The following ADAMTS18 variants were observed in gnomAD, a reference collection of about 807,000 sequenced individuals.
ADAMTS18 encodes ADAM metallopeptidase with thrombospondin type 1 motif 18.
A neutral mutation model predicts 165.9 loss-of-function variants in ADAMTS18; 157 were observed. That is an observed-to-expected ratio of 0.95 (90% CI 0.83 to 1.08). The LOEUF (loss-of-function observed/expected upper bound fraction) is 1.08. Ranked by LOEUF, ADAMTS18 falls within the 50% of genes least tolerant of loss-of-function variation. The pLI is 0.00. For synonymous variants in ADAMTS18, 782 were observed against 578.2 expected (o/e 1.35, Z -5.06); for missense variants, 2,040 against 1,534.0 (o/e 1.33, Z -5.51).
chr16:77,424,196 C>A (rs1046710479), intron 3 of ADAMTS18, among the ~76,000 whole-genome samples: 1 of 151,962 alleles, frequency 6.6e-6, no homozygotes, highest in East Asian at 1.9e-4. Flanking sequence ...AGGCCGGGCG[C>A]GGTGGCTCAC....
intron 11 of ADAMTS18, among the ~76,000 whole-genome samples, chr16:77,338,769 C>T (rs947661866): frequency 7.9e-5 from 12 of 151,396 alleles, no homozygotes; most frequent in African/African-American, 1.9e-4. Context: ...CTGGCTAATA[C>T]GGTGAAACCT....
chr16:77,289,517 T>TGAAACAGATTG, intron 21 of ADAMTS18, 106 bp from the exon 22 acceptor site: 2 of 1,344,020 alleles, frequency 1.5e-6, no homozygotes, highest in Non-Finnish European at 2.1e-6. Flanking sequence ...TGCCTGCTGA[T>TGAAACAGATTG]GAAACAGATT....
chr16:77,377,892 A>C (rs954791868), intron 3 of ADAMTS18, among the ~76,000 whole-genome samples: 6 of 152,242 alleles, frequency 3.9e-5, no homozygotes, highest in African/African-American at 1.4e-4. Context: ...AAGTATAATC[A>C]ATATGAAATA....
In ADAMTS18 at chr16:77,299,996, A is replaced by G. The variant is rs1363770150; in HGVS notation, c.2674+267T>C. ...TATGCTTCTATTTGTAAATAATTCA[A>G]TATATTTTATATGTTTTTCCCATAA... On this transcript the variant is annotated intron_variant, in intron 17 of 22. Coordinates refer to ENST00000282849, the MANE Select transcript of ADAMTS18 (RefSeq NM_199355.4). 3.2e-5 allele frequency: 10 copies of G among 316,828 alleles called. No individual in the cohort carries two copies. The Admixed American group carries it at 4.4e-4, about 14-fold the overall frequency. The allele number at this position is 316,828 out of a possible 1,614,324, so 19.6% of individuals were successfully genotyped here. A position where few individuals can be genotyped will look rare whatever the true frequency, so the allele number is the denominator to read the frequency against.
At chr16:77,286,440 T>C (rs1485627745) in intron 22 of ADAMTS18, among the ~76,000 whole-genome samples, 1 of 152,194 alleles carries the variant, frequency 6.6e-6, no homozygotes, top group Non-Finnish European at 1.5e-5. Context: ...CAGAACAGTT[T>C]CTGGTTCACA....
intron 3 of ADAMTS18, among the ~76,000 whole-genome samples, chr16:77,430,989 G>A (rs758642961): frequency 3.3e-5 from 5 of 152,150 alleles, no homozygotes; most frequent in Admixed American, 6.5e-5. Context: ...CTGGTCTCCC[G>A]GGACATTACA....
At chr16:77,325,512 T>C (rs1023938691) in intron 13 of ADAMTS18, among the ~76,000 whole-genome samples, 5 of 152,066 alleles carry the variant, frequency 3.3e-5, no homozygotes, top group Non-Finnish European at 7.4e-5. Flanking sequence ...GGGGTATATA[T>C]GGTTTCATGA....
chr16:77,367,720 C>T lies in ADAMTS18; in HGVS notation c.499G>A (p.Gly167Ser). 1 of 1,614,196 alleles carries T rather than the reference C, an allele frequency of 6.2e-7. No individual in the cohort carries two copies. The highest frequency in any genetic ancestry group is 8.5e-7 in the Non-Finnish European group (1 of 1,180,024). ...TCATTTTTTCGTGTCCTTATTAAAC[C>T]TGACTAAAAAGCCAAACACAAAGCA... ...VAVSTCAGLS[G>S]LIRTRKNEFL... Residue 167 changes from glycine to serine, a missense_variant, in exon 4 of 23, where the codon GGT becomes AGT. Coordinates refer to ENST00000282849, the MANE Select transcript of ADAMTS18 (RefSeq NM_199355.4).
intron 3 of ADAMTS18, among the ~76,000 whole-genome samples, chr16:77,426,000 C>T (rs929194418): frequency 3.3e-5 from 5 of 151,970 alleles, no homozygotes; most frequent in African/African-American, 1.2e-4. Flanking sequence ...GGGCCGAGAT[C>T]GCTGCACTCC....
chr16:77,348,687 G>C (rs1225382311), intron 10 of ADAMTS18, among the ~76,000 whole-genome samples: 1 of 152,164 alleles, frequency 6.6e-6, no homozygotes, highest in Non-Finnish European at 1.5e-5. Flanking sequence ...TATCTGATAT[G>C]ACATCCAGCA....
At chr16:77,433,184 C>G (rs2057759125) in intron 2 of ADAMTS18, among the ~76,000 whole-genome samples, 1 of 152,142 alleles carries the variant, frequency 6.6e-6, no homozygotes, top group African/African-American at 2.4e-5. Context: ...TTCTGTCAAA[C>G]TAAAACTTAA....
chr16:77,377,940 G>C (rs1399169667), intron 3 of ADAMTS18, among the ~76,000 whole-genome samples: 1 of 152,104 alleles, frequency 6.6e-6, no homozygotes, highest in African/African-American at 2.4e-5. Context: ...AGGATGGAGG[G>C]AAAGAAACAT....
intron 8 of ADAMTS18, among the ~76,000 whole-genome samples, chr16:77,357,872 C>T (rs2056654423): frequency 6.6e-6 from 1 of 152,142 alleles, no homozygotes; most frequent in Non-Finnish European, 1.5e-5. Context: ...TGACTTCTCT[C>T]CTGAATCCTA....
chr16:77,313,765 T>A (rs2144622442), intron 16 of ADAMTS18, among the ~76,000 whole-genome samples: 1 of 152,310 alleles, frequency 6.6e-6, no homozygotes, highest in East Asian at 1.9e-4. Context: ...GAAGGCCTCT[T>A]GGCAAAAATT....
intron 3 of ADAMTS18, among the ~76,000 whole-genome samples, chr16:77,417,633 C>T (rs1299030371): frequency 6.6e-6 from 1 of 152,114 alleles, no homozygotes; most frequent in Non-Finnish European, 1.5e-5. Context: ...TCAAGTATGG[C>T]GACTATTTTT....
At position 77,350,720 on chromosome 16, in the gene ADAMTS18, G is replaced by C. The variant is rs115827069; in HGVS notation, c.1614+3013C>G. Among the ~76,000 whole-genome samples the C allele has an allele frequency of 4.4e-3, 672 of 152,266 alleles. 11 individuals are homozygous for C. Among genetic ancestry groups the C allele is most frequent in the African/African-American group, 0.016 (654 of 41,560 alleles). Reference sequence around the variant, plus strand: ...TGACTGAGCATCAGGGTCATCTAGAGCTTTTGTTAGAATATGGGTTTCTGG... The same window carrying C: ...TGACTGAGCATCAGGGTCATCTAGACCTTTTGTTAGAATATGGGTTTCTGG... On this transcript the variant is annotated intron_variant, in intron 10 of 22. Transcript: ENST00000282849.
chr16:77,317,188 G>A (rs2055902792), intron 16 of ADAMTS18, among the ~76,000 whole-genome samples: 1 of 152,004 alleles, frequency 6.6e-6, no homozygotes, highest in South Asian at 2.1e-4. Flanking sequence ...ATTCATTTGT[G>A]TAGTGCTGTA....
At chr16:77,346,925 T>C (rs1257512870) in intron 10 of ADAMTS18, among the ~76,000 whole-genome samples, 1 of 152,200 alleles carries the variant, frequency 6.6e-6, no homozygotes, top group Admixed American at 6.5e-5. Context: ...AGGCAGAATA[T>C]TTCCATCACT....
intron 3 of ADAMTS18, among the ~76,000 whole-genome samples, chr16:77,375,541 G>C (rs1159373918): frequency 6.6e-6 from 1 of 152,184 alleles, no homozygotes; most frequent in Non-Finnish European, 1.5e-5. Context: ...CCTGGTCCAC[G>C]ATGGGGAAGT....
Sources: allele counts gnomAD v4.1 joint callset (sites outside exome capture counted in the v4.1 genomes callset), GRCh38; gene constraint gnomAD v4.1.1; transcripts MANE v1.5; gene names NCBI Gene and HGNC (gene_info 2026-07-23, HGNC 2026-07-21).